The following DHX40 variants were observed in gnomAD, a reference collection of about 807,000 sequenced individuals.
DHX40 encodes the protein probable ATP-dependent RNA helicase DHX40.
Under a neutral mutation model 89.6 loss-of-function variants are expected in DHX40, and 28 were observed. The observed-to-expected ratio is 0.31, with a 90% CI of 0.23 to 0.43. DHX40 has a LOEUF of 0.43. Ranked by LOEUF, DHX40 falls within the 20% of genes least tolerant of loss-of-function variation. The probability of loss-of-function intolerance (pLI) is 1.00; values close to 1 mark genes in which losing one functional copy is unlikely to be tolerated. For synonymous variants in DHX40, 226 were observed against 283.6 expected (o/e 0.80, Z 2.04); for missense variants, 457 against 844.0 (o/e 0.54, Z 5.68).
chr17:59,566,486 A>T, intron 1 of DHX40, 141 bp from the exon 2 acceptor site: 1 of 805,810 alleles, frequency 1.2e-6, no homozygotes, highest in Non-Finnish European at 1.9e-6. Context: ...ACGCTCACTT[A>T]CATGAGCGAT....
intron 12 of DHX40, among the ~76,000 whole-genome samples, chr17:59,596,722 A>G (rs538405409): frequency 3.9e-5 from 6 of 152,178 alleles, no homozygotes; most frequent in South Asian, 4.1e-4. Flanking sequence ...TAGCTGCTTC[A>G]TTCAGTTGCT....
In DHX40 at chr17:59,570,210, ATTATATATTAAATATATATTAG is replaced by A. The variant is rs1598136671; in HGVS notation, c.281-306_281-285del. Among the ~76,000 whole-genome samples the A allele has an allele frequency of 2.4e-5, 3 of 123,210 alleles. No homozygotes were observed. In the East Asian group the frequency reaches 6.1e-4, roughly 25 times the overall value. 80.8% of individuals were successfully genotyped at this position (123,210 alleles called of 152,430 possible). A position where few individuals can be genotyped will look rare whatever the true frequency, so the allele number is the denominator to read the frequency against. ...TAATATATAATATATTATAATATAT[ATTATATATTAAATATATATTAG>A]TATATAATATATATAATATATAAAT... On this transcript the variant is annotated intron_variant, in intron 2 of 17. Coordinates refer to ENST00000251241, the MANE Select transcript of DHX40 (RefSeq NM_024612.5).
intron 12 of DHX40, among the ~76,000 whole-genome samples, chr17:59,590,416 C>T (rs1255142242): frequency 6.7e-6 from 1 of 149,352 alleles, no homozygotes; most frequent in Non-Finnish European, 1.5e-5. Flanking sequence ...TAAAAATACT[C>T]TAATCAATAT....
chr17:59,586,385 G>T (rs1280046536), intron 11 of DHX40, 152 bp downstream of exon 11: 1 of 794,948 alleles, frequency 1.3e-6, no homozygotes, highest in Non-Finnish European at 2.0e-6. Context: ...AAAACCAGCC[G>T]GGCGCTGTGG....
At chr17:59,578,977 A>AGTGT (rs201617050) in intron 8 of DHX40, among the ~76,000 whole-genome samples, 1 of 132,390 alleles carries the variant, frequency 7.6e-6, no homozygotes, top group Non-Finnish European at 1.6e-5. Context: ...AATATTGCAT[A>AGTGT]GTGTGTGTGT....
In DHX40 at chr17:59,565,625, TCTC is replaced by T; in HGVS notation, c.-43_-41del. 1.3e-6 allele frequency: 2 copies of T among 1,539,474 alleles called. No individual in the cohort carries two copies. The highest frequency in any genetic ancestry group is 1.8e-6 in the Non-Finnish European group (2 of 1,138,528). On this transcript the variant is annotated 5_prime_UTR_variant, in exon 1 of 18. Coordinates refer to ENST00000251241, the MANE Select transcript of DHX40 (RefSeq NM_024612.5). The stretch of plus-strand genomic sequence containing the variant: ...GCGCGTCCTCGTCTTTCCCCTCCCA[TCTC>T]CTCAGATCGGTGGACGTGCTCGCCT...
In DHX40 at chr17:59,591,230, AGGAGGC is replaced by A. The variant is rs2049077643; in HGVS notation, c.1582+3183_1582+3188del. ...CTGAGGCGGAGAATTGCTTGAATCC[AGGAGGC>A]GGAGGTTGCAGTGAGCTGAGATCGT... On this transcript the variant is annotated intron_variant, in intron 12 of 17. Coordinates refer to ENST00000251241, the MANE Select transcript of DHX40 (RefSeq NM_024612.5). Among the ~76,000 whole-genome samples the A allele has an allele frequency of 2.6e-5, 4 of 151,540 alleles. 1 individual carries two copies. In the South Asian group the frequency reaches 8.3e-4, roughly 32 times the overall value.
At chr17:59,566,920 C>T in intron 2 of DHX40, 126 bp downstream of exon 2, 3 of 767,040 alleles carry the variant, frequency 3.9e-6, no homozygotes, top group East Asian at 3.3e-5. Flanking sequence ...CTTGGCACAC[C>T]CCCTTCCCCT....
At position 59,570,530 on chromosome 17, in the gene DHX40, A is replaced by G. The variant is rs2143208579; in HGVS notation, c.293A>G (p.His98Arg). Residue 98 changes from histidine to arginine, a missense_variant, in exon 3 of 18, where the codon CAT becomes CGT. Physicochemically the swap from His to Arg is conservative, Grantham distance 29. Coordinates refer to ENST00000251241, the MANE Select transcript of DHX40 (RefSeq NM_024612.5). ...CTGGTTTTGATAGGGTTTTCACAAC[A>G]TGGTATGATTGGTGTAACTCAACCA... ...KYLYEAGFSQ[H>R]GMIGVTQPRK... 1 of 1,598,070 alleles carries G rather than the reference A, an allele frequency of 6.3e-7. No individual in the cohort carries two copies.
At chr17:59,586,901 TC>T (rs1411869017) in intron 11 of DHX40, among the ~76,000 whole-genome samples, 4 of 151,354 alleles carry the variant, frequency 2.6e-5, no homozygotes, top group Non-Finnish European at 4.4e-5. Context: ...CGCCTGTAAT[TC>T]CAGCACTTTG....
Position 59,581,760 on chromosome 17 carries a change from CAAA to C in DHX40, c.1343+1894_1343+1896del, listed in dbSNP as rs545040399. On this transcript the variant is annotated intron_variant, in intron 10 of 17. Transcript: ENST00000251241. ...GGCAACAAGAGCGAAACTCTGTCTC[CAAA>C]AAAAAAAAAAAACCAAAAAAAGCAA... Among the ~76,000 whole-genome samples the C allele has an allele frequency of 7.2e-5, 3 of 41,898 alleles. 1 individual carries two copies. In the East Asian group the frequency reaches 3.2e-3, roughly 45 times the overall value. The allele number at this position is 41,898 out of a possible 152,430, so 27.5% of individuals were successfully genotyped here. A position where few individuals can be genotyped will look rare whatever the true frequency, so the allele number is the denominator to read the frequency against.
At chr17:59,581,540 C>T (rs1327146010) in intron 10 of DHX40, among the ~76,000 whole-genome samples, 1 of 51,154 alleles carries the variant, frequency 2.0e-5, no homozygotes, top group Non-Finnish European at 3.2e-5. Context: ...TTTGGGAGGC[C>T]GAGACGGGTG....
At chr17:59,587,809 A>G in intron 11 of DHX40, 87 bp from the exon 12 acceptor site, 1 of 1,543,662 alleles carries the variant, frequency 6.5e-7, no homozygotes, top group East Asian at 2.3e-5. Flanking sequence ...GGTAACGTAA[A>G]TTATATCTGA....
intron 12 of DHX40, among the ~76,000 whole-genome samples, chr17:59,594,014 G>T (rs1396868781): frequency 4.0e-5 from 6 of 151,824 alleles, no homozygotes; most frequent in African/African-American, 1.2e-4. Flanking sequence ...CTGGTTAGGA[G>T]ACTACTTTCA....
chr17:59,600,576 A>G (rs1233782527), intron 14 of DHX40, among the ~76,000 whole-genome samples: 1 of 151,886 alleles, frequency 6.6e-6, no homozygotes, highest in Non-Finnish European at 1.5e-5. Context: ...CTGGGCATTG[A>G]TGATTAACCC....
chr17:59,581,467 T>A (rs1252246476), intron 10 of DHX40, among the ~76,000 whole-genome samples: 1 of 42,272 alleles, frequency 2.4e-5, no homozygotes, highest in Admixed American at 2.8e-4. Flanking sequence ...TAAGTGATTA[T>A]TAGGTGCATC....
chr17:59,572,125 A>T (rs943219055), intron 3 of DHX40, among the ~76,000 whole-genome samples: 1 of 152,212 alleles, frequency 6.6e-6, no homozygotes, highest in African/African-American at 2.4e-5. Flanking sequence ...TTTTCTTTTT[A>T]ATAGTGAATA....
At chr17:59,567,424 T>C (rs1289691183) in intron 2 of DHX40, among the ~76,000 whole-genome samples, 1 of 152,324 alleles carries the variant, frequency 6.6e-6, no homozygotes, top group East Asian at 1.9e-4. Flanking sequence ...AGACCAGTTT[T>C]AGGAGCATCA....
At chr17:59,605,218 T>G (rs756396917) in intron 16 of DHX40, 34 bp downstream of exon 16, 1 of 1,591,446 alleles carries the variant, frequency 6.3e-7, no homozygotes, top group Non-Finnish European at 8.6e-7. Context: ...GGGAAGAAAT[T>G]TGTAAAGTTG....
Sources: gnomAD v4.1 joint callset for allele counts (sites outside exome capture counted in the v4.1 genomes callset) on GRCh38, gnomAD v4.1.1 for gene constraint, MANE v1.5 for transcripts, NCBI Gene and HGNC (gene_info 2026-07-23, HGNC 2026-07-21) for gene names.